CPNE4: variants seen among roughly 807,000 people sequenced by gnomAD.
CPNE4 encodes the protein copine-4.
In CPNE4, 25 loss-of-function variants were observed where a neutral mutation model predicts 67.9. The ratio of observed to expected loss-of-function variants is 0.37; its 90% CI spans 0.27 to 0.51. The LOEUF is 0.51. Ranked by LOEUF, CPNE4 falls within the 20% of genes least tolerant of loss-of-function variation. CPNE4 has a pLI of 0.93. For synonymous variants in CPNE4, 242 were observed against 244.9 expected, an observed-to-expected ratio of 0.99 and a Z score of 0.11; for missense variants, 464 against 690.8, an observed-to-expected ratio of 0.67 and a Z score of 3.68.
chr3:131,881,697 A>G (rs1326477825), intron 2 of CPNE4, among the ~76,000 whole-genome samples: 1 of 152,172 alleles, frequency 6.6e-6, no homozygotes, highest in Non-Finnish European at 1.5e-5. Context: ...TCAGTTAAAT[A>G]AAATATTTCA....
At chr3:131,764,826 T>A (rs2082969844) in intron 2 of CPNE4, among the ~76,000 whole-genome samples, 1 of 152,064 alleles carries the variant, frequency 6.6e-6, no homozygotes, top group Admixed American at 6.6e-5. Flanking sequence ...TATTTCTACA[T>A]CTTCCCAACA....
chr3:131,700,747 C>T (rs893953694), intron 3 of CPNE4, among the ~76,000 whole-genome samples: 10 of 152,130 alleles, frequency 6.6e-5, no homozygotes, highest in East Asian at 1.9e-4. Flanking sequence ...TTACTGGGTA[C>T]ATACCCAAAG....
At chr3:131,581,537 G>A (rs1440294317) in intron 9 of CPNE4, 42 bp downstream of exon 9, 13 of 1,290,140 alleles carry the variant, frequency 1.0e-5, no homozygotes, top group Non-Finnish European at 1.5e-5. Context: ...CTCTCAGATA[G>A]CCCTAGCTTC....
intron 7 of CPNE4, among the ~76,000 whole-genome samples, chr3:131,667,897 G>A (rs776775084): frequency 6.6e-6 from 1 of 152,008 alleles, no homozygotes; most frequent in African/African-American, 2.4e-5. Flanking sequence ...TTTATTTCTG[G>A]CCAAAGAGGG....
intron 1 of CPNE4, among the ~76,000 whole-genome samples, chr3:131,968,308 CA>C (rs1165369771): frequency 1.3e-5 from 2 of 152,188 alleles, no homozygotes; most frequent in African/African-American, 4.8e-5. Flanking sequence ...GCAAAGACTT[CA>C]TGACTAAAAC....
chr3:131,653,474 C>T (rs1048971781), intron 7 of CPNE4, among the ~76,000 whole-genome samples: 2 of 152,116 alleles, frequency 1.3e-5, no homozygotes, highest in African/African-American at 4.8e-5. Context: ...ACCAGACCTC[C>T]TGCCTCCAGC....
intron 7 of CPNE4, among the ~76,000 whole-genome samples, chr3:131,627,817 G>A (rs990694393): frequency 6.6e-6 from 1 of 152,188 alleles, no homozygotes; most frequent in Admixed American, 6.5e-5. Context: ...AGATGTGATT[G>A]AATTGCTGCA....
chr3:131,600,734 C>T (rs1462367914), intron 7 of CPNE4, among the ~76,000 whole-genome samples: 1 of 152,094 alleles, frequency 6.6e-6, no homozygotes, highest in African/African-American at 2.4e-5. Context: ...AGCATGTGTC[C>T]AGACTAATAA....
rs1196337873 is a variant in CPNE4 at position 132,027,703 on chromosome 3, C to CATTTTTA, written c.-2+6863_-2+6864insTAAAAAT. 1.2e-3 allele frequency among the ~76,000 whole-genome samples: 180 copies of CATTTTTA among 151,808 alleles called. 2 individuals are homozygous for CATTTTTA. Among genetic ancestry groups the CATTTTTA allele is most frequent in the Non-Finnish European group, 1.9e-3 (132 of 67,876 alleles). ...CAGGTGCAAAACTCCTTGACTTTTG[C>CATTTTTA]CACTGAAATTTATATCTCTGAGTTA... On this transcript the variant is annotated intron_variant, in intron 1 of 15. Coordinates refer to ENST00000429747, the MANE Select transcript of CPNE4 (RefSeq NM_130808.3).
chr3:131,565,178 A>T (rs1239085650), intron 10 of CPNE4, among the ~76,000 whole-genome samples: 1 of 152,026 alleles, frequency 6.6e-6, no homozygotes, highest in Non-Finnish European at 1.5e-5. Context: ...TTCCAACATC[A>T]CCACCATCTA....
chr3:131,777,603 G>C (rs759775793), intron 2 of CPNE4, among the ~76,000 whole-genome samples: 2 of 152,040 alleles, frequency 1.3e-5, no homozygotes, highest in African/African-American at 2.4e-5. Flanking sequence ...AGGATGTATG[G>C]TGACTGCTTT....
At chr3:131,797,578 C>T (rs146267120) in intron 2 of CPNE4, among the ~76,000 whole-genome samples, 13 of 152,296 alleles carry the variant, frequency 8.5e-5, no homozygotes, top group South Asian at 4.1e-4. Context: ...TCTGCAGGAA[C>T]TAGGACCACG....
chr3:131,695,862 A>G (rs2081143914), intron 5 of CPNE4, among the ~76,000 whole-genome samples: 1 of 152,234 alleles, frequency 6.6e-6, no homozygotes, highest in Non-Finnish European at 1.5e-5. Context: ...AGGACACACT[A>G]TTATATATCA....
intron 1 of CPNE4, among the ~76,000 whole-genome samples, chr3:132,027,455 T>A (rs1212316930): frequency 1.3e-5 from 2 of 152,212 alleles, no homozygotes; most frequent in Non-Finnish European, 2.9e-5. Context: ...GGAGCTATCA[T>A]GAGTGTTATT....
intron 2 of CPNE4, among the ~76,000 whole-genome samples, chr3:131,865,490 G>C (rs1420358278): frequency 6.6e-6 from 1 of 152,072 alleles, no homozygotes; most frequent in Non-Finnish European, 1.5e-5. Flanking sequence ...TTCTCTGTGA[G>C]TTGCAGGTGG....
At chr3:131,930,449 A>AAAAAAC (rs4018060) in intron 1 of CPNE4, among the ~76,000 whole-genome samples, 53,856 of 151,296 alleles carry the variant, frequency 0.36, 10,111 homozygotes, top group African/African-American at 0.47. Context: ...TCCAATTTAA[A>AAAAAAC]AAAAACAAAA....
chr3:131,723,376 G>A (rs980927966), intron 3 of CPNE4, 70 bp downstream of exon 3: 246 of 1,352,122 alleles, frequency 1.8e-4, no homozygotes, highest in Non-Finnish European at 1.6e-4. Context: ...GATGAAGGAA[G>A]AGAGGGAAAG....
intron 11 of CPNE4, among the ~76,000 whole-genome samples, chr3:131,563,075 C>A (rs1936867353): frequency 6.6e-6 from 1 of 151,956 alleles, no homozygotes; most frequent in Non-Finnish European, 1.5e-5. Context: ...TTTCCCATTG[C>A]CCTGTCCTAT....
chr3:132,013,508 T>G (rs1044745820), intron 1 of CPNE4, among the ~76,000 whole-genome samples: 2 of 152,236 alleles, frequency 1.3e-5, no homozygotes, highest in Non-Finnish European at 2.9e-5. Context: ...ACTCTTCATT[T>G]GCTAATTATC....
Sources: gnomAD v4.1 joint callset for allele counts (sites outside exome capture counted in the v4.1 genomes callset) on GRCh38, gnomAD v4.1.1 for gene constraint, MANE v1.5 for transcripts, NCBI Gene and HGNC (gene_info 2026-07-23, HGNC 2026-07-21) for gene names.